Variants in MAPK10 observed in about 807,000 individuals in gnomAD.
MAPK10 encodes mitogen-activated protein kinase 10.
In MAPK10, 25 loss-of-function variants were observed where a neutral mutation model predicts 59.3. That is an observed-to-expected ratio of 0.42 (90% CI 0.31 to 0.59). MAPK10 has a LOEUF of 0.59. MAPK10 is among the 20% of genes least tolerant of loss of function. The pLI is 0.15. For synonymous variants in MAPK10, 190 were observed against 200.5 expected, an observed-to-expected ratio of 0.95 and a Z score of 0.44; for missense variants, 351 against 568.9, an observed-to-expected ratio of 0.62 and a Z score of 3.90.
intron 4 of MAPK10, among the ~76,000 whole-genome samples, chr4:86,132,164 G>T (rs1389186397): frequency 1.3e-5 from 2 of 152,060 alleles, no homozygotes; most frequent in Non-Finnish European, 2.9e-5. Context: ...AGTTCATAAA[G>T]GTCTCGATGA....
At chr4:86,566,137 T>C (rs1761045056) in intron 1 of MAPK10, among the ~76,000 whole-genome samples, 1 of 152,208 alleles carries the variant, frequency 6.6e-6, no homozygotes, top group Non-Finnish European at 1.5e-5. Context: ...ATTTTCTGTA[T>C]TATCATTTGG....
intron 2 of MAPK10, among the ~76,000 whole-genome samples, chr4:86,206,962 G>A (rs2084213854): frequency 6.6e-6 from 1 of 152,010 alleles, no homozygotes; most frequent in African/African-American, 2.4e-5. Context: ...TGTCAGATGA[G>A]TAGGTTGCGA....
intron 1 of MAPK10, among the ~76,000 whole-genome samples, chr4:86,428,002 G>A (rs1747524979): frequency 6.6e-6 from 1 of 152,140 alleles, no homozygotes; most frequent in Non-Finnish European, 1.5e-5. Context: ...TTGACTTCTA[G>A]TATCAGCAAC....
intron 1 of MAPK10, among the ~76,000 whole-genome samples, chr4:86,380,246 CA>C (rs1198260819): frequency 1.3e-5 from 2 of 151,498 alleles, no homozygotes; most frequent in African/African-American, 4.8e-5. Flanking sequence ...AACAAACAAA[CA>C]AAAAAAACCC....
In MAPK10 at chr4:86,101,040, A is replaced by G; in HGVS notation, c.730+12T>C. ...TCATGGTTTTGATGCTGCTCTCCCG[A>G]AGCATCCCTACCGTTCTCCTTGTAG... On this transcript the variant is annotated intron_variant, in intron 8 of 13. Coordinates refer to ENST00000641462, the MANE Select transcript of MAPK10 (RefSeq NM_138982.4). 1 of 1,611,906 alleles carries G rather than the reference A, an allele frequency of 6.2e-7. No individual in the cohort carries two copies.
chr4:86,401,961 A>C (rs1743782410), intron 1 of MAPK10, among the ~76,000 whole-genome samples: 1 of 152,058 alleles, frequency 6.6e-6, no homozygotes, highest in Non-Finnish European at 1.5e-5. Context: ...CTACTGTCAG[A>C]GCTCCAGGGG....
intron 2 of MAPK10, chr4:86,277,170 T>C (rs1211980615): frequency 1.3e-5 from 2 of 151,840 alleles, no homozygotes; most frequent in Non-Finnish European, 1.5e-5. Context: ...TCTGGCTCTG[T>C]CGCCAGGCTG....
intron 3 of MAPK10, among the ~76,000 whole-genome samples, chr4:86,178,720 A>T (rs1166859577): frequency 6.6e-6 from 1 of 152,184 alleles, no homozygotes; most frequent in East Asian, 1.9e-4. Context: ...GGGCATCCAA[A>T]GTAGAAAGGA....
intron 2 of MAPK10, among the ~76,000 whole-genome samples, chr4:86,337,006 A>C (rs1721868680): frequency 6.6e-6 from 1 of 151,426 alleles, no homozygotes; most frequent in South Asian, 2.1e-4. Context: ...AGCCAGGATG[A>C]TCTCAATCTC....
chr4:86,271,267 T>C (rs1440107398), intron 2 of MAPK10, among the ~76,000 whole-genome samples: 1 of 151,982 alleles, frequency 6.6e-6, no homozygotes, highest in East Asian at 1.9e-4. Flanking sequence ...CTCTGATGAC[T>C]AATAATGTTG....
chr4:86,262,228 C>T (rs1353465360), intron 2 of MAPK10, among the ~76,000 whole-genome samples: 1 of 152,166 alleles, frequency 6.6e-6, no homozygotes, highest in African/African-American at 2.4e-5. Context: ...GTTTCCTCCC[C>T]CTCCCCTCTC....
At position 86,573,762 on chromosome 4, in the gene MAPK10, C is replaced by T. The variant is rs182660941; in HGVS notation, c.-263+20148G>A. Among the ~76,000 whole-genome samples, 3 of 152,180 alleles carry T rather than the reference C, an allele frequency of 2.0e-5. No individual in the cohort carries two copies. In the East Asian group the frequency reaches 5.8e-4, roughly 29 times the overall value. Reference sequence around the variant, plus strand: ...TTAAGTTTTCTCTCATTTCATTCACCAATGTTTTATAGTTTTCAATATAGA... The same window carrying T: ...TTAAGTTTTCTCTCATTTCATTCACTAATGTTTTATAGTTTTCAATATAGA... On this transcript the variant is annotated intron_variant, in intron 1 of 4. Transcript: ENST00000502302.
chr4:86,480,725 C>A (rs1579354988), intron 1 of MAPK10, among the ~76,000 whole-genome samples: 4 of 152,214 alleles, frequency 2.6e-5, no homozygotes, highest in Admixed American at 2.6e-4. Context: ...TGATATCTTT[C>A]CTCATCCATC....
At chr4:86,137,258 C>T (rs1471564960) in intron 4 of MAPK10, among the ~76,000 whole-genome samples, 6 of 151,994 alleles carry the variant, frequency 3.9e-5, no homozygotes, top group Admixed American at 2.0e-4. Context: ...ACCACACCTA[C>T]TCCAAAATTG....
At chr4:86,415,660 T>C (rs1243675066) in intron 1 of MAPK10, among the ~76,000 whole-genome samples, 4 of 152,234 alleles carry the variant, frequency 2.6e-5, no homozygotes, top group Non-Finnish European at 5.9e-5. Context: ...TGGAATTAGC[T>C]AGCCCAAATG....
chr4:86,277,332 G>A (rs1436402478), intron 2 of MAPK10: 3 of 152,026 alleles, frequency 2.0e-5, no homozygotes, highest in Non-Finnish European at 4.4e-5. Context: ...CCACTGGGGG[G>A]AAGAAAAAGG....
intron 1 of MAPK10, among the ~76,000 whole-genome samples, chr4:86,538,989 TA>T (rs886340469): frequency 2.0e-5 from 3 of 152,162 alleles, no homozygotes; most frequent in African/African-American, 7.2e-5. Context: ...AATCTTTTTT[TA>T]AAAATGCTGT....
intron 3 of MAPK10, among the ~76,000 whole-genome samples, chr4:86,178,459 G>C (rs1417601237): frequency 6.6e-6 from 1 of 151,864 alleles, no homozygotes; most frequent in East Asian, 1.9e-4. Context: ...TGTTTTTTAG[G>C]AGAGTAACCA....
At chr4:86,562,572 G>C (rs1246830705) in intron 1 of MAPK10, among the ~76,000 whole-genome samples, 2 of 151,934 alleles carry the variant, frequency 1.3e-5, no homozygotes, top group African/African-American at 4.8e-5. Flanking sequence ...GCCGATGCTT[G>C]TAGTCCCAGC....
Sources: gnomAD v4.1 joint callset for allele counts (sites outside exome capture counted in the v4.1 genomes callset) on GRCh38, gnomAD v4.1.1 for gene constraint, MANE v1.5 for transcripts, NCBI Gene and HGNC (gene_info 2026-07-23, HGNC 2026-07-21) for gene names.